UBE2D2: variants seen among roughly 807,000 people sequenced by gnomAD.
UBE2D2 encodes ubiquitin-conjugating enzyme E2 D2.
Under a neutral mutation model 24.2 loss-of-function variants are expected in UBE2D2, and 2 were observed. The observed-to-expected ratio is 0.08, with a 90% CI of 0.03 to 0.26. UBE2D2 has a LOEUF of 0.26. Ranked by LOEUF, UBE2D2 falls within the 10% of genes least tolerant of loss-of-function variation. The pLI is 1.00. For missense variants in UBE2D2, 44 were observed against 177.6 expected, an observed-to-expected ratio of 0.25 and a Z score of 4.28; for synonymous variants, 58 against 56.5, an observed-to-expected ratio of 1.03 and a Z score of -0.12.
intron 1 of UBE2D2, among the ~76,000 whole-genome samples, chr5:139,592,375 C>A (rs1753862671): frequency 1.3e-5 from 2 of 152,030 alleles, no homozygotes; most frequent in South Asian, 4.1e-4. Context: ...CTTTTTAACT[C>A]ATCAGACATA....
chr5:139,549,407 G>A (rs369837369), intron 1 of UBE2D2, among the ~76,000 whole-genome samples: 2 of 152,350 alleles, frequency 1.3e-5, no homozygotes, highest in African/African-American at 4.8e-5. Flanking sequence ...CGAGTTCCGG[G>A]TGCGCGGGGT....
At chr5:139,582,237 C>T (rs1362111247) in intron 1 of UBE2D2, among the ~76,000 whole-genome samples, 1 of 151,702 alleles carries the variant, frequency 6.6e-6, no homozygotes, top group African/African-American at 2.4e-5. Context: ...CCTTGGCCTC[C>T]AAAGTGCTAG....
intron 1 of UBE2D2, among the ~76,000 whole-genome samples, chr5:139,537,371 G>A (rs1309960347): frequency 6.6e-6 from 1 of 151,992 alleles, no homozygotes. Context: ...GCTTTATTGA[G>A]ATAAAATTCA....
rs192067585 is a variant in UBE2D2, at chr5:139,549,039, G to A, written c.-64+22427G>A. Among the ~76,000 whole-genome samples the A allele has an allele frequency of 7.7e-3, 1,177 of 152,056 alleles. 8 individuals are homozygous for A. The highest frequency in any genetic ancestry group is 0.041 in the Middle Eastern group (12 of 294). The stretch of plus-strand genomic sequence containing the variant: ...AATTTTTTGTATTTTTAGTAGAGAC[G>A]GGGTTTTGCCATGTTGGTCAGGCAG... On this transcript the variant is annotated intron_variant, in intron 1 of 6. Coordinates refer to the UBE2D2 transcript ENST00000511725.
chr5:139,571,742 T>C (rs896764394), intron 1 of UBE2D2, among the ~76,000 whole-genome samples: 1 of 151,860 alleles, frequency 6.6e-6, no homozygotes, highest in Non-Finnish European at 1.5e-5. Context: ...TCTCTCTCTC[T>C]TTCCCTCTTT....
chr5:139,609,802 C>T (rs1188795551), intron 2 of UBE2D2, among the ~76,000 whole-genome samples: 2 of 139,268 alleles, frequency 1.4e-5, no homozygotes, highest in Admixed American at 7.5e-5. Flanking sequence ...GATGGAGTCT[C>T]GCACTGTTGC....
chr5:139,613,147 G>A (rs990143072), intron 2 of UBE2D2, among the ~76,000 whole-genome samples: 9 of 152,144 alleles, frequency 5.9e-5, no homozygotes, highest in Non-Finnish European at 1.5e-5. Flanking sequence ...TAATCAACAA[G>A]CTGCTATTTT....
chr5:139,624,125 T>C lies in UBE2D2; in HGVS notation c.398+664T>C, dbSNP rs139853906. Among the ~76,000 whole-genome samples, 3 of 152,324 alleles carry C rather than the reference T, an allele frequency of 2.0e-5. No individual in the cohort carries two copies. In the East Asian group the frequency reaches 5.8e-4, roughly 29 times the overall value. On this transcript the variant is annotated intron_variant, in intron 6 of 6. Transcript: ENST00000398733. ...AATTAATGGGAAAAGAGAATTGATT[T>C]CCTACCATTTGACATAATCTAAAGG...
At chr5:139,588,695 T>TA (rs1442537504) in intron 1 of UBE2D2, among the ~76,000 whole-genome samples, 1 of 152,216 alleles carries the variant, frequency 6.6e-6, no homozygotes, top group Non-Finnish European at 1.5e-5. Context: ...GTATTAGCTG[T>TA]ATATTTGATC....
At chr5:139,605,080 C>G (rs1298449586) in intron 2 of UBE2D2, among the ~76,000 whole-genome samples, 1 of 151,964 alleles carries the variant, frequency 6.6e-6, no homozygotes, top group Non-Finnish European at 1.5e-5. Context: ...ATCCTGGTAC[C>G]CAAATCCCTC....
chr5:139,563,194 T>C (rs1180414493), intron 1 of UBE2D2, among the ~76,000 whole-genome samples: 1 of 152,198 alleles, frequency 6.6e-6, no homozygotes, highest in Non-Finnish European at 1.5e-5. Flanking sequence ...TAAGTCAGAA[T>C]ACAGATTGAT....
intron 1 of UBE2D2, among the ~76,000 whole-genome samples, chr5:139,542,935 C>T (rs1027538051): frequency 1.3e-5 from 2 of 152,124 alleles, no homozygotes; most frequent in Admixed American, 6.6e-5. Context: ...GTCGCTCTGT[C>T]GTCCAGGATG....
At chr5:139,531,252 C>T (rs373336196) in intron 1 of UBE2D2, among the ~76,000 whole-genome samples, 33 of 152,322 alleles carry the variant, frequency 2.2e-4, no homozygotes, top group South Asian at 6.2e-4. Flanking sequence ...AAAAATCAAC[C>T]CATAACTTAG....
chr5:139,581,696 T>A (rs569147835), intron 1 of UBE2D2, among the ~76,000 whole-genome samples: 1 of 152,034 alleles, frequency 6.6e-6, no homozygotes, highest in Non-Finnish European at 1.5e-5. Context: ...TGAGATGGAG[T>A]CTCGATCCGT....
At chr5:139,608,439 GA>G (rs758530392) in intron 2 of UBE2D2, among the ~76,000 whole-genome samples, 3 of 151,164 alleles carry the variant, frequency 2.0e-5, no homozygotes, top group East Asian at 3.9e-4. Flanking sequence ...AAAAAAGAAA[GA>G]AAAAAAAGAA....
At chr5:139,555,337 G>T (rs180771583) in intron 1 of UBE2D2, among the ~76,000 whole-genome samples, 4 of 151,856 alleles carry the variant, frequency 2.6e-5, no homozygotes, top group African/African-American at 9.7e-5. Flanking sequence ...CACTGCACCC[G>T]GCCTAACTTG....
At chr5:139,590,408 C>A (rs1196741061) in intron 1 of UBE2D2, among the ~76,000 whole-genome samples, 1 of 149,202 alleles carries the variant, frequency 6.7e-6, no homozygotes, top group African/African-American at 2.5e-5. Flanking sequence ...GCACTTCAGC[C>A]TGGGCAATAG....
intron 1 of UBE2D2, among the ~76,000 whole-genome samples, chr5:139,541,830 T>A (rs1233682706): frequency 6.6e-6 from 1 of 151,906 alleles, no homozygotes; most frequent in Non-Finnish European, 1.5e-5. Flanking sequence ...GGATGGCGGA[T>A]CACTGGAGTT....
At position 139,600,455 on chromosome 5, in the gene UBE2D2, A is replaced by C. The variant is rs1216059864; in HGVS notation, c.88+20A>C. The stretch of plus-strand genomic sequence containing the variant: ...ATGATAGTAAGTATTTAAAAGGAAT[A>C]ATGGAGTAATAGCATAACAGTGGTT... On this transcript the variant is annotated intron_variant, in intron 2 of 6. Transcript: ENST00000398733. 1 of 1,612,220 alleles carries C rather than the reference A, an allele frequency of 6.2e-7. No homozygotes were observed. The highest frequency in any genetic ancestry group is 1.1e-5 in the South Asian group (1 of 90,894).
Sources: allele counts gnomAD v4.1 joint callset (sites outside exome capture counted in the v4.1 genomes callset), GRCh38; gene constraint gnomAD v4.1.1; transcripts MANE v1.5; gene names NCBI Gene and HGNC (gene_info 2026-07-23, HGNC 2026-07-21).